Variants in FHIT observed in about 807,000 individuals in gnomAD.
FHIT encodes the protein bis(5'-adenosyl)-triphosphatase.
FHIT carries 19 observed loss-of-function variants against 17.9 expected under a neutral mutation model. That is an observed-to-expected ratio of 1.06 (90% CI 0.74 to 1.56). FHIT has a LOEUF of 1.56. Ranked by LOEUF, FHIT falls within the 40% of genes most tolerant of loss-of-function variation. The pLI is 0.00. For synonymous variants in FHIT, 81 were observed against 69.7 expected, an observed-to-expected ratio of 1.16 and a Z score of -0.81; for missense variants, 248 against 189.2, an observed-to-expected ratio of 1.31 and a Z score of -1.82.
chr3:59,763,787 T>G (rs917627476), intron 8 of FHIT, among the ~76,000 whole-genome samples: 3 of 152,060 alleles, frequency 2.0e-5, no homozygotes, highest in African/African-American at 7.2e-5. Flanking sequence ...ATCTGTATGG[T>G]CTGTGCACTG....
chr3:61,149,636 G>T (rs1576107517), intron 2 of FHIT, among the ~76,000 whole-genome samples: 1 of 152,034 alleles, frequency 6.6e-6, no homozygotes, highest in South Asian at 2.1e-4. Context: ...CCATCATTTT[G>T]GGAGGCACAG....
chr3:60,597,621 A>G (rs1387133848), intron 4 of FHIT, among the ~76,000 whole-genome samples: 1 of 152,134 alleles, frequency 6.6e-6, no homozygotes, highest in African/African-American at 2.4e-5. Flanking sequence ...TCTAAGTCTC[A>G]GTCTCTAATG....
intron 9 of FHIT, 144 bp from the exon 10 acceptor site, chr3:59,749,723 T>A (rs1700781561): frequency 8.7e-6 from 2 of 229,752 alleles, no homozygotes; most frequent in Non-Finnish European, 1.7e-5. Context: ...GCAGCCTGAT[T>A]AATGCTTAAT....
intron 5 of FHIT, among the ~76,000 whole-genome samples, chr3:60,489,301 T>A (rs2033967870): frequency 6.6e-6 from 1 of 152,140 alleles, no homozygotes; most frequent in Non-Finnish European, 1.5e-5. Flanking sequence ...GGCACAGAAA[T>A]GTACATATGA....
intron 4 of FHIT, among the ~76,000 whole-genome samples, chr3:60,661,835 G>C (rs1253215603): frequency 6.6e-6 from 1 of 152,028 alleles, no homozygotes; most frequent in Non-Finnish European, 1.5e-5. Flanking sequence ...ATGTTTGTTG[G>C]TTATTTGTAT....
intron 2 of FHIT, among the ~76,000 whole-genome samples, chr3:61,043,293 C>A (rs902206741): frequency 6.6e-6 from 1 of 152,174 alleles, no homozygotes; most frequent in Non-Finnish European, 1.5e-5. Context: ...AAATGGCACA[C>A]CAGGAGATTA....
chr3:60,350,266 A>G (rs73107031), intron 5 of FHIT, among the ~76,000 whole-genome samples: 23,149 of 152,024 alleles, frequency 0.15, 1,839 homozygotes, highest in African/African-American at 0.17. Flanking sequence ...AAAACTTGGT[A>G]ATAGTGTACA....
intron 2 of FHIT, among the ~76,000 whole-genome samples, chr3:61,149,931 A>G (rs1488307862): frequency 6.6e-6 from 1 of 152,154 alleles, no homozygotes; most frequent in African/African-American, 2.4e-5. Context: ...GGTAAAAACT[A>G]GGGCTATCCT....
At chr3:60,856,215 G>T (rs1403708794) in intron 3 of FHIT, among the ~76,000 whole-genome samples, 1 of 152,018 alleles carries the variant, frequency 6.6e-6, no homozygotes, top group Non-Finnish European at 1.5e-5. Flanking sequence ...GGTGGGGTGA[G>T]CCCTGACATA....
intron 8 of FHIT, among the ~76,000 whole-genome samples, chr3:59,823,912 C>G (rs1007850317): frequency 6.6e-6 from 1 of 152,162 alleles, no homozygotes; most frequent in African/African-American, 2.4e-5. Context: ...CAAACTGTCG[C>G]TGTTTGCTGA....
At chr3:61,017,267 C>T (rs941330651) in intron 3 of FHIT, among the ~76,000 whole-genome samples, 8 of 152,026 alleles carry the variant, frequency 5.3e-5, no homozygotes, top group East Asian at 1.9e-4. Flanking sequence ...CCAGCCTGGG[C>T]GACAAGAGTG....
At chr3:60,356,965 G>C (rs987693771) in intron 5 of FHIT, among the ~76,000 whole-genome samples, 35 of 152,148 alleles carry the variant, frequency 2.3e-4, no homozygotes, top group African/African-American at 8.0e-4. Context: ...AGTGAAATCA[G>C]CACAAATTCA....
intron 4 of FHIT, among the ~76,000 whole-genome samples, chr3:60,593,943 T>C (rs1372202822): frequency 1.3e-5 from 2 of 152,130 alleles, no homozygotes; most frequent in Non-Finnish European, 2.9e-5. Flanking sequence ...TCAAGTAATA[T>C]AAATTTATAG....
At chr3:60,534,767 G>A (rs986402146) in intron 5 of FHIT, among the ~76,000 whole-genome samples, 1 of 152,110 alleles carries the variant, frequency 6.6e-6, no homozygotes, top group Non-Finnish European at 1.5e-5. Context: ...TAAAGTAACT[G>A]AGCAGGGTTC....
intron 5 of FHIT, among the ~76,000 whole-genome samples, chr3:60,482,065 A>C (rs976325253): frequency 6.6e-6 from 1 of 152,218 alleles, no homozygotes; most frequent in Non-Finnish European, 1.5e-5. Flanking sequence ...AACAAAGATC[A>C]AAAAAGACAA....
At chr3:60,468,213 G>A (rs1189805075) in intron 5 of FHIT, among the ~76,000 whole-genome samples, 1 of 151,916 alleles carries the variant, frequency 6.6e-6, no homozygotes, top group African/African-American at 2.4e-5. Flanking sequence ...GTTCTTGCAG[G>A]CAACAGATCA....
chr3:60,247,967 A>G (rs767150109), intron 5 of FHIT, among the ~76,000 whole-genome samples: 8 of 152,148 alleles, frequency 5.3e-5, no homozygotes, highest in Non-Finnish European at 1.0e-4. Flanking sequence ...AAGCACATGG[A>G]GCCTTCGAGG....
chr3:60,811,998 A>G lies in FHIT; in HGVS notation c.-18+9921T>C, dbSNP rs182553771. On this transcript the variant is annotated intron_variant, in intron 4 of 9. Transcript: ENST00000492590. ...ACAAATGCATAGACCCTTAAACATGATTTAGAAATCATTTATCCCTCCAAA... is the reference window on the plus strand; with the variant it reads ...ACAAATGCATAGACCCTTAAACATGGTTTAGAAATCATTTATCCCTCCAAA... 2.2e-3 allele frequency among the ~76,000 whole-genome samples: 329 copies of G among 152,210 alleles called. 3 individuals carry two copies. Among genetic ancestry groups the G allele is most frequent in the Middle Eastern group, 0.01 (3 of 294 alleles).
intron 5 of FHIT, among the ~76,000 whole-genome samples, chr3:60,144,017 C>A (rs964762566): frequency 6.6e-6 from 1 of 152,132 alleles, no homozygotes; most frequent in African/African-American, 2.4e-5. Context: ...CCATGTGTGG[C>A]CCTCAGGAGA....
Sources: allele counts gnomAD v4.1 joint callset (sites outside exome capture counted in the v4.1 genomes callset), GRCh38; gene constraint gnomAD v4.1.1; transcripts MANE v1.5; gene names NCBI Gene and HGNC (gene_info 2026-07-23, HGNC 2026-07-21).